Variants in STK33 observed in about 807,000 individuals in gnomAD.
The protein encoded by STK33 is serine/threonine kinase 33.
In STK33, 52 loss-of-function variants were observed where a neutral mutation model predicts 58.0. The ratio of observed to expected loss-of-function variants is 0.90; its 90% CI spans 0.72 to 1.13. STK33 has a LOEUF of 1.13. Ranked by LOEUF, STK33 falls within the 50% of genes most tolerant of loss-of-function variation. STK33 has a pLI of 0.00. For missense variants in STK33, 630 were observed against 604.2 expected (o/e 1.04, Z -0.45); for synonymous variants, 215 against 200.1 (o/e 1.07, Z -0.63).
intron 1 of STK33, among the ~76,000 whole-genome samples, chr11:8,557,145 G>T (rs1327212899): frequency 6.6e-6 from 1 of 150,526 alleles, no homozygotes; most frequent in African/African-American, 2.4e-5. Flanking sequence ...CAGCTACTTG[G>T]GAGGCTGAGG....
chr11:8,524,410 C>G (rs1953848825), intron 1 of STK33, among the ~76,000 whole-genome samples: 1 of 152,064 alleles, frequency 6.6e-6, no homozygotes, highest in African/African-American at 2.4e-5. Context: ...ATAAGGAACT[C>G]TAACAAGTCA....
At chr11:8,393,992 C>T (rs1848933155) in intron 15 of STK33, among the ~76,000 whole-genome samples, 1 of 152,136 alleles carries the variant, frequency 6.6e-6, no homozygotes, top group Non-Finnish European at 1.5e-5. Flanking sequence ...CCAGTATATG[C>T]TAATTCTTGA....
chr11:8,343,918 C>T, the STK33 span, among the ~76,000 whole-genome samples: 1 of 152,158 alleles, frequency 6.6e-6, no homozygotes, highest in Non-Finnish European at 1.5e-5. Flanking sequence ...GGAATCTAAT[C>T]ACCAGCTTAG....
chr11:8,499,677 T>C (rs1951356223), intron 1 of STK33, among the ~76,000 whole-genome samples: 1 of 152,028 alleles, frequency 6.6e-6, no homozygotes, highest in African/African-American at 2.4e-5. Flanking sequence ...AAGCCAAATA[T>C]CCATCAATGA....
chr11:8,412,617 G>A (rs7126521), intron 15 of STK33, among the ~76,000 whole-genome samples: 17,811 of 152,200 alleles, frequency 0.12, 1,219 homozygotes, highest in African/African-American at 0.18. Flanking sequence ...TCTGCACTCT[G>A]CCTAATTCTG....
At chr11:8,411,249 C>T (rs1940191136) in intron 15 of STK33, among the ~76,000 whole-genome samples, 1 of 152,158 alleles carries the variant, frequency 6.6e-6, no homozygotes, top group African/African-American at 2.4e-5. Flanking sequence ...CATTACTGTC[C>T]TCAGAATACC....
intron 2 of STK33, among the ~76,000 whole-genome samples, chr11:8,479,176 A>G (rs1434769208): frequency 6.6e-6 from 1 of 152,144 alleles, no homozygotes; most frequent in Non-Finnish European, 1.5e-5. Context: ...GCACTTTGGC[A>G]GGCTGAGGCG....
chr11:8,497,340 T>C (rs941901734), intron 1 of STK33, among the ~76,000 whole-genome samples: 3 of 152,168 alleles, frequency 2.0e-5, no homozygotes, highest in African/African-American at 7.2e-5. Context: ...AAAGAGAACC[T>C]TGAAAGCAGT....
intron 1 of STK33, chr11:8,555,235 T>G (rs1956653952): frequency 6.6e-6 from 1 of 152,022 alleles, no homozygotes; most frequent in African/African-American, 2.4e-5. Flanking sequence ...AGAATGATGA[T>G]TACCAGAGGC....
chr11:8,462,472 C>CACACATATATATAT (rs541126483), intron 7 of STK33, among the ~76,000 whole-genome samples: 2 of 141,870 alleles, frequency 1.4e-5, no homozygotes, highest in African/African-American at 5.3e-5. Context: ...CACACACACA[C>CACACATATATATAT]ATATATATAT....
chr11:8,539,478 C>T (rs980895258), intron 1 of STK33, among the ~76,000 whole-genome samples: 36 of 152,116 alleles, frequency 2.4e-4, no homozygotes, highest in African/African-American at 7.5e-4. Flanking sequence ...CTTGACCTAG[C>T]GACACCACCA....
intron 1 of STK33, among the ~76,000 whole-genome samples, chr11:8,532,471 G>A (rs888307707): frequency 2.6e-5 from 4 of 152,156 alleles, no homozygotes; most frequent in African/African-American, 7.2e-5. Context: ...AAAGTTTACC[G>A]TGCCCTGTCT....
chr11:8,407,022 C>T (rs549814940), intron 15 of STK33, among the ~76,000 whole-genome samples: 1 of 151,472 alleles, frequency 6.6e-6, no homozygotes, highest in African/African-American at 2.4e-5. Context: ...AAGAAGTTCC[C>T]TTTTATTCCT....
At chr11:8,548,101 T>C (rs948255686) in intron 1 of STK33, among the ~76,000 whole-genome samples, 2 of 151,696 alleles carry the variant, frequency 1.3e-5, no homozygotes, top group Non-Finnish European at 2.9e-5. Context: ...ACATGGCACG[T>C]GTATACATAT....
At chr11:8,406,984 T>G (rs1245694281) in intron 15 of STK33, among the ~76,000 whole-genome samples, 1 of 151,976 alleles carries the variant, frequency 6.6e-6, no homozygotes, top group Non-Finnish European at 1.5e-5. Flanking sequence ...TTGGATTTTT[T>G]TTTTTTGTAA....
intron 15 of STK33, among the ~76,000 whole-genome samples, chr11:8,398,026 G>A (rs898354712): frequency 1.3e-5 from 2 of 152,136 alleles, no homozygotes; most frequent in African/African-American, 4.8e-5. Context: ...AACCAAGTTG[G>A]AAAACACTCT....
chr11:8,357,081 C>T, the STK33 span, among the ~76,000 whole-genome samples: 2 of 152,370 alleles, frequency 1.3e-5, no homozygotes, highest in Non-Finnish European at 1.5e-5. Flanking sequence ...CCGGCCTGCC[C>T]TCTTCCCTCC....
At chr11:8,457,600 T>C in intron 8 of STK33, 121 bp from the exon 9 acceptor site, 1 of 896,094 alleles carries the variant, frequency 1.1e-6, no homozygotes, top group Non-Finnish European at 1.6e-6. Flanking sequence ...AAAAGTATTA[T>C]CTATTATGTA....
intron 5 of STK33, 47 bp downstream of exon 5, chr11:8,474,634 G>T: frequency 7.1e-7 from 1 of 1,401,676 alleles, no homozygotes; most frequent in Non-Finnish European, 9.8e-7. Flanking sequence ...TACCATTAGG[G>T]AACGGGATGT....
Sources: allele counts gnomAD v4.1 joint callset (sites outside exome capture counted in the v4.1 genomes callset), GRCh38; gene constraint gnomAD v4.1.1; transcripts MANE v1.5; gene names NCBI Gene and HGNC (gene_info 2026-07-23, HGNC 2026-07-21).